ALDH7A1: variants seen among roughly 807,000 people sequenced by gnomAD.
ALDH7A1 encodes the protein alpha-aminoadipic semialdehyde dehydrogenase.
A neutral mutation model predicts 79.9 loss-of-function variants in ALDH7A1; 63 were observed. The ratio of observed to expected loss-of-function variants is 0.79; its 90% CI spans 0.64 to 0.97. The LOEUF (loss-of-function observed/expected upper bound fraction) is 0.97, where lower values mean the gene tolerates loss of function less well. Ranked by LOEUF, ALDH7A1 falls within the 50% of genes least tolerant of loss-of-function variation. ALDH7A1 has a pLI of 0.00. For missense variants in ALDH7A1, 627 were observed against 665.2 expected (o/e 0.94, Z 0.63); for synonymous variants, 240 against 231.2 (o/e 1.04, Z -0.34).
intron 5 of ALDH7A1, 174 bp downstream of exon 5, chr5:126,582,677 T>C (rs1235999980): frequency 2.6e-6 from 2 of 781,898 alleles, no homozygotes; most frequent in African/African-American, 1.8e-5. Flanking sequence ...AGGTTCTTGA[T>C]CTAACATTTT....
intron 5 of ALDH7A1, among the ~76,000 whole-genome samples, chr5:126,579,139 C>T (rs1323963626): frequency 6.6e-6 from 1 of 152,246 alleles, no homozygotes; most frequent in African/African-American, 2.4e-5. Flanking sequence ...CCTTGTCAGA[C>T]AAAATCTCTT....
rs773348894 is a variant in ALDH7A1 at position 126,570,900 on chromosome 5, C to T, written c.696-41G>A. On this transcript the variant is annotated intron_variant, in intron 7 of 17. Transcript: ENST00000409134. ...CAATTACTGAGGCAATAATTTAAGGCATTTTTTTAAAAACAAGGAATAAAT... is the reference window on the plus strand; with the variant it reads ...CAATTACTGAGGCAATAATTTAAGGTATTTTTTTAAAAACAAGGAATAAAT... The T allele has an allele frequency of 1.0e-5, 16 of 1,591,000 alleles. No homozygotes were observed. In the African/African-American group the frequency reaches 2.1e-4, roughly 21 times the overall value.
At chr5:126,584,731 G>T (rs957299246) in intron 3 of ALDH7A1, among the ~76,000 whole-genome samples, 2 of 143,388 alleles carry the variant, frequency 1.4e-5, no homozygotes, top group Admixed American at 1.4e-4. Context: ...TCTGTTTTGG[G>T]AGTAGAATTG....
intron 13 of ALDH7A1, among the ~76,000 whole-genome samples, chr5:126,553,725 T>C (rs901378523): frequency 7.3e-5 from 11 of 149,854 alleles, no homozygotes; most frequent in African/African-American, 1.5e-4. Context: ...GGTGGGAGGA[T>C]TGCTTTAGTC....
intron 13 of ALDH7A1, 29 bp downstream of exon 13, chr5:126,554,258 G>A (rs779004707): frequency 1.9e-6 from 3 of 1,597,082 alleles, no homozygotes; most frequent in East Asian, 4.5e-5. Flanking sequence ...TTAAAAAGCT[G>A]TCACAATTGA....
chr5:126,566,683 GATCCAT>G (rs1425347344), intron 9 of ALDH7A1, among the ~76,000 whole-genome samples: 1 of 151,912 alleles, frequency 6.6e-6, no homozygotes, highest in Non-Finnish European at 1.5e-5. Context: ...ATGTATCCAG[GATCCAT>G]ATCCATGATC....
chr5:126,587,269 C>G (rs959227658), intron 3 of ALDH7A1: 5 of 152,142 alleles, frequency 3.3e-5, no homozygotes, highest in Non-Finnish European at 7.4e-5. Flanking sequence ...AGAAAGAAAT[C>G]AATTTCTATA....
intron 17 of ALDH7A1, 45 bp downstream of exon 17, chr5:126,546,279 C>G: frequency 2.6e-6 from 4 of 1,568,498 alleles, no homozygotes; most frequent in Non-Finnish European, 3.5e-6. Context: ...AGCCCATTCC[C>G]AAGGGTTTTA....
chr5:126,576,582 T>C (rs1750978611), intron 6 of ALDH7A1, among the ~76,000 whole-genome samples: 1 of 152,198 alleles, frequency 6.6e-6, no homozygotes, highest in Non-Finnish European at 1.5e-5. Flanking sequence ...ATTTAAGACC[T>C]AAATGGAAAC....
chr5:126,571,167 T>G lies in ALDH7A1; in HGVS notation c.696-308A>C, dbSNP rs1002457490. 2.6e-4 allele frequency: 76 copies of G among 292,886 alleles called. 1 individual carries two copies. The highest frequency in any genetic ancestry group is 2.5e-3 in the African/African-American group (73 of 28,886). 18.1% of individuals were successfully genotyped at this position (292,886 alleles called of 1,614,324 possible). On this transcript the variant is annotated intron_variant, in intron 7 of 17. Transcript: ENST00000409134. ...ATTAGCAGATTTTTTTTTTTTTTTT[T>G]TTTTTTTTTAGCCCTAAAAGAATCT...
intron 9 of ALDH7A1, among the ~76,000 whole-genome samples, chr5:126,564,066 T>TA (rs1020392423): frequency 6.6e-6 from 1 of 152,102 alleles, no homozygotes; most frequent in African/African-American, 2.4e-5. Flanking sequence ...GGATTACAGA[T>TA]ATGAGCCACT....
chr5:126,582,745 C>T, intron 5 of ALDH7A1, 106 bp downstream of exon 5: 4 of 1,288,146 alleles, frequency 3.1e-6, no homozygotes, highest in Non-Finnish European at 4.4e-6. Context: ...ATATTTATGC[C>T]ACTTGAAATT....
At position 126,571,150 on chromosome 5, in the gene ALDH7A1, A is replaced by ATTTTTTTTTTTTTTTTTT. The variant is rs386404930; in HGVS notation, c.696-309_696-292dup. The ATTTTTTTTTTTTTTTTTT allele has an allele frequency of 1.3e-4, 26 of 206,672 alleles. 3 individuals carry two copies. Among genetic ancestry groups the ATTTTTTTTTTTTTTTTTT allele is most frequent in the African/African-American group, 7.1e-4 (26 of 36,786 alleles). The allele number at this position is 206,672 out of a possible 1,614,324, so 12.8% of individuals were successfully genotyped here. A position where few individuals can be genotyped will look rare whatever the true frequency, so the allele number is the denominator to read the frequency against. On this transcript the variant is annotated intron_variant, in intron 7 of 17. Coordinates refer to ENST00000409134, the MANE Select transcript of ALDH7A1 (RefSeq NM_001182.5). ...GCCGTTTTCAAAAAACTATTAGCAG[A>ATTTTTTTTTTTTTTTTTT]TTTTTTTTTTTTTTTTTTTTTTTTT... is the stretch of plus-strand genomic sequence containing the variant.
chr5:126,546,383 A>G lies in ALDH7A1; in HGVS notation c.1506T>C (p.Thr502=), dbSNP rs565405031. The change falls in exon 17 of 18, where the codon ACT becomes ACC. Residue 502 remains threonine (T), a synonymous_variant. Transcript: ENST00000409134. ...IGGAFGGEKH[T]GGGRESGSDA... ...CACTGCCAGACTCCCTGCCACCACC[A>G]GTGTGCTTTTCTCCTCCTAGAGAAA... The G allele has an allele frequency of 2.1e-5, 34 of 1,614,164 alleles. No individual in the cohort carries two copies. In the South Asian group the frequency reaches 3.2e-4, roughly 15 times the overall value.
chr5:126,554,535 A>G, intron 12 of ALDH7A1, 142 bp from the exon 13 acceptor site: 1 of 721,836 alleles, frequency 1.4e-6, no homozygotes, highest in East Asian at 2.7e-5. Flanking sequence ...CTTTTTCCAT[A>G]AAGAACCAGA....
intron 11 of ALDH7A1, among the ~76,000 whole-genome samples, chr5:126,557,187 T>A (rs1460809477): frequency 6.6e-6 from 1 of 152,226 alleles, no homozygotes; most frequent in Non-Finnish European, 1.5e-5. Context: ...ACAAATTTAA[T>A]AAACTTTAAA....
intron 9 of ALDH7A1, among the ~76,000 whole-genome samples, chr5:126,566,003 T>G (rs1270585581): frequency 6.6e-6 from 1 of 152,260 alleles, no homozygotes; most frequent in Admixed American, 6.5e-5. Context: ...GTAAATTTTT[T>G]GACTGAGAAG....
chr5:126,561,026 G>A, intron 10 of ALDH7A1, 57 bp downstream of exon 10: 1 of 1,579,080 alleles, frequency 6.3e-7, no homozygotes, highest in South Asian at 1.1e-5. Flanking sequence ...CATATATTCA[G>A]GATGGCGACT....
chr5:126,577,961 A>G (rs1751035093), intron 5 of ALDH7A1, among the ~76,000 whole-genome samples: 1 of 149,650 alleles, frequency 6.7e-6, no homozygotes. Context: ...GGGAAGGGGG[A>G]GTTCTAATAA....
Sources: gnomAD v4.1 joint callset for allele counts (sites outside exome capture counted in the v4.1 genomes callset) on GRCh38, gnomAD v4.1.1 for gene constraint, MANE v1.5 for transcripts, NCBI Gene and HGNC (gene_info 2026-07-23, HGNC 2026-07-21) for gene names.